The following ACVR2A variants were observed in gnomAD, a reference collection of about 807,000 sequenced individuals.
ACVR2A encodes activin receptor type-2A.
In ACVR2A, 7 loss-of-function variants were observed where a neutral mutation model predicts 61.4. The ratio of observed to expected loss-of-function variants is 0.11; its 90% CI spans 0.06 to 0.21. The LOEUF (loss-of-function observed/expected upper bound fraction) is 0.21, where lower values mean the gene tolerates loss of function less well. ACVR2A is among the 10% of genes least tolerant of loss of function. The pLI is 1.00. For synonymous variants in ACVR2A, 193 were observed against 208.3 expected, an observed-to-expected ratio of 0.93 and a Z score of 0.63; for missense variants, 322 against 621.7, an observed-to-expected ratio of 0.52 and a Z score of 5.13.
intron 1 of ACVR2A, among the ~76,000 whole-genome samples, chr2:147,856,337 G>T (rs530229504): frequency 7.2e-5 from 11 of 152,224 alleles, no homozygotes; most frequent in African/African-American, 2.4e-4. Context: ...ATATAATGGT[G>T]CCTGCCTCTT....
At chr2:147,862,668 C>G (rs1031411411) in intron 1 of ACVR2A, among the ~76,000 whole-genome samples, 7 of 151,782 alleles carry the variant, frequency 4.6e-5, no homozygotes, top group African/African-American at 7.3e-5. Context: ...TGCTTGAACC[C>G]ATGAGACGGA....
At chr2:147,902,387 A>G (rs1320568666) in intron 4 of ACVR2A, among the ~76,000 whole-genome samples, 1 of 151,962 alleles carries the variant, frequency 6.6e-6, no homozygotes, top group Non-Finnish European at 1.5e-5. Flanking sequence ...TTTTTTCATA[A>G]AGCACATGCC....
In ACVR2A at chr2:147,930,344, CTGGTTTTTTTGTTTTTTTTTTTTTTTTTA is replaced by C. The variant is rs1376828187; in HGVS notation, c.*3071_*3099del. The C allele has an allele frequency of 7.3e-6, 1 of 136,950 alleles. No homozygotes were observed. The highest frequency in any genetic ancestry group is 2.9e-5 in the African/African-American group (1 of 34,652). The allele number at this position is 136,950 out of a possible 1,614,324, so 8.5% of individuals were successfully genotyped here. ...GTGGTTTAGTGGAATAAACTGATTA[CTGGTTTTTTTGTTTTTTTTTTTTTTTTTA>C]AAGAAAGAAGCTTCATCACAGATAC... On this transcript the variant is annotated 3_prime_UTR_variant, in exon 11 of 11. Transcript: ENST00000241416.
At chr2:147,913,155 CAT>C (rs1687158737) in intron 4 of ACVR2A, among the ~76,000 whole-genome samples, 2 of 151,228 alleles carry the variant, frequency 1.3e-5, no homozygotes, top group African/African-American at 2.4e-5. Flanking sequence ...ATACTAAAAT[CAT>C]AGTTTGAATT....
In ACVR2A at chr2:147,928,313, A is replaced by ATTTCT. The variant is rs1015650193; in HGVS notation, c.*1044_*1048dup. 1.3e-5 allele frequency: 2 copies of ATTTCT among 152,192 alleles called. No homozygotes were observed. The highest frequency in any genetic ancestry group is 4.8e-5 in the African/African-American group (2 of 41,376). 9.4% of individuals were successfully genotyped at this position (152,192 alleles called of 1,614,324 possible). A position where few individuals can be genotyped will look rare whatever the true frequency, so the allele number is the denominator to read the frequency against. ...ATTTATATATGTAAAATTGTAGTGT[A>ATTTCT]TTTCTTTTCACCAAACAGTGTGTGG... On this transcript the variant is annotated 3_prime_UTR_variant, in exon 11 of 11. Transcript: ENST00000241416.
At chr2:147,894,385 T>A (rs1292580990) in intron 1 of ACVR2A, among the ~76,000 whole-genome samples, 1 of 152,224 alleles carries the variant, frequency 6.6e-6, no homozygotes, top group South Asian at 2.1e-4. Context: ...CATAATTTTG[T>A]AAATGCTAGT....
chr2:147,891,330 T>C (rs1686577440), intron 1 of ACVR2A, among the ~76,000 whole-genome samples: 1 of 152,100 alleles, frequency 6.6e-6, no homozygotes, highest in African/African-American at 2.4e-5. Context: ...TGCATAGTGG[T>C]TTTTAACATG....
intron 1 of ACVR2A, among the ~76,000 whole-genome samples, chr2:147,858,688 G>A (rs1478767916): frequency 6.6e-6 from 1 of 152,126 alleles, no homozygotes; most frequent in Non-Finnish European, 1.5e-5. Flanking sequence ...CACTTAGAAT[G>A]GGGGTCCGCA....
intron 2 of ACVR2A, 90 bp from the exon 3 acceptor site, chr2:147,899,368 A>C (rs923630935): frequency 1.2e-6 from 1 of 847,662 alleles, no homozygotes; most frequent in Non-Finnish European, 1.7e-6. Flanking sequence ...TAAATGACTA[A>C]TTTATTATTT....
chr2:147,858,962 C>A (rs1685656118), intron 1 of ACVR2A, among the ~76,000 whole-genome samples: 1 of 152,016 alleles, frequency 6.6e-6, no homozygotes, highest in Non-Finnish European at 1.5e-5. Flanking sequence ...GGATTTTGAC[C>A]TGAGGGCTGT....
chr2:147,919,978 G>T (rs1421089808), intron 7 of ACVR2A, among the ~76,000 whole-genome samples: 1 of 152,072 alleles, frequency 6.6e-6, no homozygotes, highest in Non-Finnish European at 1.5e-5. Context: ...TGGTATGGCA[G>T]ATTTTTATAT....
Position 147,929,746 on chromosome 2 carries a change from A to G in ACVR2A, c.*2472A>G, listed in dbSNP as rs1452814709. On this transcript the variant is annotated 3_prime_UTR_variant, in exon 11 of 11. Transcript: ENST00000241416. Reference sequence around the variant, plus strand: ...AGAGATACTGGAAAAAAAAAAGATCAAAGAATGAGAAAAATGGTGATCCAT... The same window carrying G: ...AGAGATACTGGAAAAAAAAAAGATCGAAGAATGAGAAAAATGGTGATCCAT... The G allele has an allele frequency of 6.6e-6, 1 of 152,326 alleles. No homozygotes were observed. The highest frequency in any genetic ancestry group is 1.9e-4 in the East Asian group (1 of 5,182). 9.4% of individuals were successfully genotyped at this position (152,326 alleles called of 1,614,324 possible).
At chr2:147,919,076 A>G (rs1687320234) in intron 7 of ACVR2A, among the ~76,000 whole-genome samples, 1 of 152,130 alleles carries the variant, frequency 6.6e-6, no homozygotes. Flanking sequence ...CATGCCCGCA[A>G]AAGGAAAAAT....
intron 1 of ACVR2A, among the ~76,000 whole-genome samples, chr2:147,889,796 A>G (rs2105181684): frequency 6.6e-6 from 1 of 152,100 alleles, no homozygotes; most frequent in South Asian, 2.1e-4. Flanking sequence ...CATTTTACCA[A>G]ATTTCAGATT....
At chr2:147,890,211 A>G (rs1467154239) in intron 1 of ACVR2A, among the ~76,000 whole-genome samples, 1 of 152,170 alleles carries the variant, frequency 6.6e-6, no homozygotes, top group Non-Finnish European at 1.5e-5. Flanking sequence ...TATATTCTGT[A>G]TACATTAGAA....
At position 147,895,292 on chromosome 2, in the gene ACVR2A, T is replaced by G. The variant is rs181926418; in HGVS notation, c.56-1009T>G. The stretch of plus-strand genomic sequence containing the variant: ...TACATAGTGCACTACTGTAATAATT[T>G]CATAGCCACCTCCTGTTGCTATTGC... On this transcript the variant is annotated intron_variant, in intron 1 of 10. Transcript: ENST00000241416. Among the ~76,000 whole-genome samples the G allele has an allele frequency of 1.1e-4, 17 of 152,300 alleles. No homozygotes were observed. The East Asian group carries it at 3.1e-3, about 28-fold the overall frequency.
At chr2:147,889,721 T>G (rs1043000487) in intron 1 of ACVR2A, among the ~76,000 whole-genome samples, 1 of 151,844 alleles carries the variant, frequency 6.6e-6, no homozygotes, top group Non-Finnish European at 1.5e-5. Flanking sequence ...CACTCCAGCC[T>G]GGGCGACAGA....
intron 1 of ACVR2A, among the ~76,000 whole-genome samples, chr2:147,868,932 C>CTTTAT (rs1037801816): frequency 5.3e-5 from 8 of 152,154 alleles, no homozygotes; most frequent in East Asian, 1.9e-4. Flanking sequence ...CATGCCCAGC[C>CTTTAT]TTTATTTTTT....
upstream of ACVR2A, chr2:147,844,669 C>A (rs1468319930): frequency 6.5e-6 from 1 of 153,322 alleles, no homozygotes; most frequent in Non-Finnish European, 1.4e-5. Flanking sequence ...CGAGCTCGGC[C>A]GCCAGTGGTC....
Sources: allele counts gnomAD v4.1 joint callset (sites outside exome capture counted in the v4.1 genomes callset), GRCh38; gene constraint gnomAD v4.1.1; transcripts MANE v1.5; gene names NCBI Gene and HGNC (gene_info 2026-07-23, HGNC 2026-07-21).